The following NCKAP5 variants were observed in gnomAD, a reference collection of about 807,000 sequenced individuals.
NCKAP5 encodes NCK associated protein 5.
In NCKAP5, 92 loss-of-function variants were observed where a neutral mutation model predicts 167.0. That is an observed-to-expected ratio of 0.55 (90% CI 0.47 to 0.66). The LOEUF is 0.66. NCKAP5 is among the 30% of genes least tolerant of loss of function. The pLI is 0.00. For missense variants in NCKAP5, 2,378 were observed against 2,315.0 expected (o/e 1.03, Z -0.56); for synonymous variants, 891 against 877.4 (o/e 1.02, Z -0.27).
rs1683885372 is a variant in NCKAP5 at position 132,672,580 on chromosome 2, T to C, written c.*709A>G. 2 of 152,482 alleles carry C rather than the reference T, an allele frequency of 1.3e-5. No homozygotes were observed. The highest frequency in any genetic ancestry group is 4.1e-4 in the South Asian group (2 of 4,824). 9.4% of individuals were successfully genotyped at this position (152,482 alleles called of 1,614,324 possible). ...TTTACAGAGTGTACCCACAAACAAT[T>C]TGAGGACCAGGACAACGAACTTCAC... On this transcript the variant is annotated 3_prime_UTR_variant, in exon 20 of 20. Transcript: ENST00000409261.
chr2:133,576,314 G>A, the NCKAP5 span, among the ~76,000 whole-genome samples: 2 of 152,210 alleles, frequency 1.3e-5, no homozygotes, highest in Non-Finnish European at 2.9e-5. Flanking sequence ...TCACTTAATA[G>A]TGGTGAAAAA....
chr2:132,948,681 C>A (rs944075511), intron 8 of NCKAP5, among the ~76,000 whole-genome samples: 9 of 152,108 alleles, frequency 5.9e-5, no homozygotes, highest in African/African-American at 2.2e-4. Flanking sequence ...AGATGAAATG[C>A]ACCAGTACAG....
At chr2:133,579,764 A>T in the NCKAP5 span, among the ~76,000 whole-genome samples, 3 of 152,158 alleles carry the variant, frequency 2.0e-5, no homozygotes, top group Non-Finnish European at 2.9e-5. Context: ...TATTTCGATG[A>T]CATTCCTTTT....
intron 3 of NCKAP5, among the ~76,000 whole-genome samples, chr2:133,413,749 T>C (rs1688926165): frequency 6.6e-6 from 1 of 152,194 alleles, no homozygotes. Flanking sequence ...TGTTCTCCCG[T>C]AACAATCAGA....
chr2:133,056,107 G>A lies in NCKAP5; in HGVS notation c.342-61868C>T, dbSNP rs189609888. On this transcript the variant is annotated intron_variant, in intron 6 of 19. Coordinates refer to ENST00000409261, the MANE Select transcript of NCKAP5 (RefSeq NM_207363.3). The stretch of plus-strand genomic sequence containing the variant: ...GGAAAGTTATATGATTGAATATTCC[G>A]TCTGATGTGGATTATTTTGTCTGTA... Among the ~76,000 whole-genome samples the A allele has an allele frequency of 1.3e-3, 197 of 152,118 alleles. 3 individuals are homozygous for A. Among genetic ancestry groups the A allele is most frequent in the African/African-American group, 4.2e-3 (173 of 41,514 alleles).
At chr2:133,060,934 C>T (rs2079977262) in intron 6 of NCKAP5, among the ~76,000 whole-genome samples, 1 of 152,042 alleles carries the variant, frequency 6.6e-6, no homozygotes, top group Admixed American at 6.6e-5. Flanking sequence ...TGAATCCATC[C>T]TCTACAAGCT....
At chr2:133,441,350 T>C (rs781336417) in intron 3 of NCKAP5, among the ~76,000 whole-genome samples, 1 of 152,206 alleles carries the variant, frequency 6.6e-6, no homozygotes, top group Non-Finnish European at 1.5e-5. Context: ...TTGTCTAAAA[T>C]AGATTCCTGA....
intron 2 of NCKAP5, among the ~76,000 whole-genome samples, chr2:133,534,471 G>A (rs191328960): frequency 1.1e-4 from 17 of 151,878 alleles, no homozygotes; most frequent in African/African-American, 3.6e-4. Context: ...AACCCCATAC[G>A]CATCAGCAGT....
At chr2:133,650,445 T>G in the NCKAP5 span, among the ~76,000 whole-genome samples, 5 of 152,158 alleles carry the variant, frequency 3.3e-5, no homozygotes, top group African/African-American at 1.2e-4. Flanking sequence ...AGTATTACAC[T>G]TCCAGATTTT....
intron 3 of NCKAP5, among the ~76,000 whole-genome samples, chr2:133,450,241 T>C (rs1691466036): frequency 6.6e-6 from 1 of 152,210 alleles, no homozygotes. Flanking sequence ...CCCTGTTCTG[T>C]TATCCATCCC....
chr2:132,685,560 C>A (rs1685818526), intron 19 of NCKAP5, among the ~76,000 whole-genome samples: 1 of 152,112 alleles, frequency 6.6e-6, no homozygotes, highest in Middle Eastern at 3.2e-3. Context: ...TAAGGAAGCA[C>A]TGGGTAATGC....
intron 7 of NCKAP5, among the ~76,000 whole-genome samples, chr2:132,993,176 G>T (rs1042045741): frequency 1.3e-5 from 2 of 152,182 alleles, no homozygotes; most frequent in African/African-American, 4.8e-5. Flanking sequence ...GCCCAGTGAT[G>T]ACCTCACATT....
intron 2 of NCKAP5, among the ~76,000 whole-genome samples, chr2:133,531,189 G>A (rs962621093): frequency 6.6e-6 from 1 of 151,384 alleles, no homozygotes; most frequent in Admixed American, 6.6e-5. Context: ...AGGAAGGAAA[G>A]AAGGAAAGAA....
intron 3 of NCKAP5, among the ~76,000 whole-genome samples, chr2:133,513,508 T>G (rs1683677711): frequency 6.6e-6 from 1 of 152,230 alleles, no homozygotes. Context: ...AAAGAGTGGA[T>G]CTGGAGGGAA....
intron 19 of NCKAP5, among the ~76,000 whole-genome samples, chr2:132,704,212 T>C (rs1016047363): frequency 2.0e-5 from 3 of 152,192 alleles, no homozygotes; most frequent in Non-Finnish European, 4.4e-5. Context: ...TTCTTTTCTA[T>C]ACTTTTTGTA....
chr2:132,715,369 T>C (rs1198802817), intron 19 of NCKAP5, among the ~76,000 whole-genome samples: 1 of 152,132 alleles, frequency 6.6e-6, no homozygotes, highest in Non-Finnish European at 1.5e-5. Context: ...GTTGGAAGAG[T>C]TCTGGCAAGG....
intron 9 of NCKAP5, among the ~76,000 whole-genome samples, chr2:132,871,728 T>C (rs1383800827): frequency 1.3e-5 from 2 of 152,234 alleles, no homozygotes; most frequent in South Asian, 4.1e-4. Flanking sequence ...TGAACAAAGA[T>C]ACACGAATGC....
chr2:132,784,118 C>T lies in NCKAP5; in HGVS notation c.2693G>A (p.Arg898Lys), dbSNP rs1683330491. 1 of 1,522,260 alleles carries T rather than the reference C, an allele frequency of 6.6e-7. No homozygotes were observed. Among genetic ancestry groups the T allele is most frequent in the Admixed American group, 2.2e-5 (1 of 44,656 alleles). 94.3% of individuals were successfully genotyped at this position (1,522,260 alleles called of 1,614,324 possible). A position where few individuals can be genotyped will look rare whatever the true frequency, so the allele number is the denominator to read the frequency against. Reference sequence around the variant, plus strand: ...ACTGTCACTAGACTCAATGGCAGGCCTTGACCGTGACCCTGGAGTCTGACT... The same window carrying T: ...ACTGTCACTAGACTCAATGGCAGGCTTTGACCGTGACCCTGGAGTCTGACT... Reference protein sequence around the residue: ...PKSQTPGSRSRPAIESSDSGE... With the variant: ...PKSQTPGSRSKPAIESSDSGE... Residue 898 changes from arginine (R) to lysine (K), a missense_variant, in exon 14 of 20, where the codon AGG becomes AAG. Physicochemically the swap from Arg to Lys is conservative, Grantham distance 26. Coordinates refer to ENST00000409261, the MANE Select transcript of NCKAP5 (RefSeq NM_207363.3).
chr2:133,355,386 T>C (rs1684641159), intron 3 of NCKAP5, among the ~76,000 whole-genome samples: 1 of 152,238 alleles, frequency 6.6e-6, no homozygotes, highest in Non-Finnish European at 1.5e-5. Context: ...AATCAACTTA[T>C]TATGATTCAT....
Sources: gnomAD v4.1 joint callset for allele counts (sites outside exome capture counted in the v4.1 genomes callset) on GRCh38, gnomAD v4.1.1 for gene constraint, MANE v1.5 for transcripts, NCBI Gene and HGNC (gene_info 2026-07-23, HGNC 2026-07-21) for gene names.